C5orf34: variants seen among roughly 807,000 people sequenced by gnomAD.
C5orf34 encodes the protein chromosome 5 open reading frame 34.
In C5orf34, 73 loss-of-function variants were observed where a neutral mutation model predicts 78.4. The ratio of observed to expected loss-of-function variants is 0.93; its 90% CI spans 0.77 to 1.13. C5orf34 has a LOEUF of 1.13. Among genes scored for constraint, C5orf34 ranks in the 50% most tolerant of loss-of-function variants. C5orf34 has a pLI of 0.00. For synonymous variants in C5orf34, 251 were observed against 246.6 expected, an observed-to-expected ratio of 1.02 and a Z score of -0.17; for missense variants, 730 against 732.7, an observed-to-expected ratio of 1.00 and a Z score of 0.04.
chr5:43,509,288 G>T lies in C5orf34; in HGVS notation c.52C>A (p.Gln18Lys), dbSNP rs761328552. 11 of 1,613,760 alleles carry T rather than the reference G, an allele frequency of 6.8e-6. No individual in the cohort carries two copies. The African/African-American group carries it at 1.2e-4, about 18-fold the overall frequency. The part of the protein sequence containing the change: ...ILYEDDSVQV[Q>K]YVDGSTLQLS... Reference sequence around the variant, plus strand: ...TGCAATGTGGAACCATCAACATATTGTACTTGTACTGAATCATCTTCATAA... The same window carrying T: ...TGCAATGTGGAACCATCAACATATTTTACTTGTACTGAATCATCTTCATAA... The change falls in exon 2 of 13, where the codon CAA becomes AAA. Residue 18 changes from glutamine to lysine, a missense_variant. Physicochemically the swap from Gln to Lys is moderately conservative, Grantham distance 53 (BLOSUM62 1). Coordinates refer to ENST00000306862, the MANE Select transcript of C5orf34 (RefSeq NM_198566.4).
At chr5:43,492,352 A>G (rs778797452) in intron 9 of C5orf34, 43 bp from the exon 10 acceptor site, 2 of 1,286,434 alleles carry the variant, frequency 1.6e-6, no homozygotes, top group African/African-American at 1.5e-5. Flanking sequence ...TAGAACTGAA[A>G]AAAAGAACAT....
intron 3 of C5orf34, 122 bp downstream of exon 3, chr5:43,508,455 A>T (rs1746085354): frequency 1.6e-6 from 1 of 610,046 alleles, no homozygotes; most frequent in Non-Finnish European, 2.9e-6. Context: ...TGTAACTTTG[A>T]TGTTTTATAG....
At chr5:43,508,051 C>A (rs955113915) in intron 3 of C5orf34, among the ~76,000 whole-genome samples, 31 of 148,698 alleles carry the variant, frequency 2.1e-4, no homozygotes, top group African/African-American at 7.5e-4. Flanking sequence ...GCACTCCAGC[C>A]CTGGCGACAG....
At chr5:43,507,810 G>A (rs1031788479) in intron 3 of C5orf34, among the ~76,000 whole-genome samples, 1 of 151,796 alleles carries the variant, frequency 6.6e-6, no homozygotes, top group African/African-American at 2.4e-5. Flanking sequence ...CGGGCGCGGT[G>A]GCTCACGCCT....
chr5:43,509,071 C>T, intron 2 of C5orf34, 74 bp downstream of exon 2: 2 of 1,233,146 alleles, frequency 1.6e-6, no homozygotes, highest in Middle Eastern at 2.8e-4. Context: ...TGCCACTGTA[C>T]TCCAGCCTGG....
intron 5 of C5orf34, among the ~76,000 whole-genome samples, chr5:43,503,290 T>C (rs1009404282): frequency 6.6e-6 from 1 of 152,238 alleles, no homozygotes; most frequent in Admixed American, 6.5e-5. Context: ...TTAGGTGATC[T>C]AACTTCTCTA....
chr5:43,503,740 A>C lies in C5orf34; in HGVS notation c.953T>G (p.Leu318Arg), dbSNP rs1195770307. The change falls in exon 5 of 13, where the codon CTT (leucine) becomes CGT (arginine). Residue 318 changes from leucine (L) to arginine (R), a missense_variant. Coordinates refer to ENST00000306862, the MANE Select transcript of C5orf34 (RefSeq NM_198566.4). Reference sequence around the variant, plus strand: ...ATATTCATCAGATTGTCTCTGTAAAAGTGAATCACAAAAATTCCACCTGTG... The same window carrying C: ...ATATTCATCAGATTGTCTCTGTAAACGTGAATCACAAAAATTCCACCTGTG... Reference protein sequence around the residue: ...HLHRWNFCDSLLQRQSDEYSY... With the variant: ...HLHRWNFCDSRLQRQSDEYSY... The C allele has an allele frequency of 6.2e-7, 1 of 1,612,896 alleles. No individual in the cohort carries two copies. The highest frequency in any genetic ancestry group is 1.7e-5 in the Admixed American group (1 of 60,018).
At chr5:43,495,480 C>G in intron 6 of C5orf34, 3 of 1,608,688 alleles carry the variant, frequency 1.9e-6, no homozygotes, top group Non-Finnish European at 2.5e-6. Context: ...TTGCTGTCAC[C>G]AGCAACGTTG....
chr5:43,512,519 A>G (rs1217643772), intron 1 of C5orf34, among the ~76,000 whole-genome samples: 1 of 152,048 alleles, frequency 6.6e-6, no homozygotes, highest in Non-Finnish European at 1.5e-5. Context: ...TCTTCATCCT[A>G]CTAAACCTCA....
At chr5:43,513,597 C>T (rs1746364752) in intron 1 of C5orf34, among the ~76,000 whole-genome samples, 1 of 152,270 alleles carries the variant, frequency 6.6e-6, no homozygotes, top group African/African-American at 2.4e-5. Context: ...CTCCCAATGT[C>T]ATTTCTCAAC....
chr5:43,492,045 T>G (rs1745307790), intron 10 of C5orf34, among the ~76,000 whole-genome samples, 170 bp downstream of exon 10: 1 of 151,064 alleles, frequency 6.6e-6, no homozygotes, highest in Non-Finnish European at 1.5e-5. Flanking sequence ...ATCTATTTAG[T>G]TATGCTAAAC....
At chr5:43,514,199 G>C (rs1378761930) in intron 1 of C5orf34, 2 of 152,152 alleles carry the variant, frequency 1.3e-5, no homozygotes, top group African/African-American at 4.8e-5. Context: ...TCAGGCCATA[G>C]ACTCTCCAAC....
intron 4 of C5orf34, 94 bp downstream of exon 4, chr5:43,505,654 T>C: frequency 7.4e-7 from 1 of 1,343,484 alleles, no homozygotes; most frequent in Non-Finnish European, 1.0e-6. Flanking sequence ...GAGATAAACT[T>C]TCCTTGTGAA....
At chr5:43,509,420 G>A (rs1746129672) in intron 1 of C5orf34, 45 bp from the exon 2 acceptor site, 1 of 1,153,588 alleles carries the variant, frequency 8.7e-7, no homozygotes, top group African/African-American at 1.6e-5. Context: ...TTCTCTTAAT[G>A]TACAAAACTT....
intron 6 of C5orf34, among the ~76,000 whole-genome samples, chr5:43,496,821 A>G (rs1218426671): frequency 1.3e-5 from 2 of 152,056 alleles, no homozygotes; most frequent in Admixed American, 1.3e-4. Flanking sequence ...CCTGGGCTCA[A>G]GGGATCCCAA....
chr5:43,496,582 ATTTTTTTTTT>A (rs70994702), intron 6 of C5orf34: 18,333 of 422,238 alleles, frequency 0.043, 4 homozygotes, highest in East Asian at 0.1. Flanking sequence ...GTTTTTTTTA[ATTTTTTTTTT>A]TTTTTTTTTT....
chr5:43,496,525 A>AT, intron 6 of C5orf34: 2 of 1,249,386 alleles, frequency 1.6e-6, no homozygotes, highest in South Asian at 3.4e-5. Flanking sequence ...AAAAAAAGCC[A>AT]TTTTCCCATT....
intron 1 of C5orf34, among the ~76,000 whole-genome samples, chr5:43,509,952 A>G (rs1746154469): frequency 6.6e-6 from 1 of 151,928 alleles, no homozygotes; most frequent in Non-Finnish European, 1.5e-5. Context: ...ACGGGGTTTT[A>G]CCATATTGGT....
intron 11 of C5orf34, 43 bp downstream of exon 11, chr5:43,490,588 G>A (rs1197635381): frequency 7.2e-6 from 9 of 1,249,980 alleles, no homozygotes; most frequent in Non-Finnish European, 8.2e-6. Flanking sequence ...TTTTTTTAAA[G>A]TATTAGCTCT....
Sources: allele counts gnomAD v4.1 joint callset (sites outside exome capture counted in the v4.1 genomes callset), GRCh38; gene constraint gnomAD v4.1.1; transcripts MANE v1.5; gene names NCBI Gene and HGNC (gene_info 2026-07-23, HGNC 2026-07-21).